Variants in SMAD7 observed in about 807,000 individuals in gnomAD.
The protein encoded by SMAD7 is SMAD family member 7.
A neutral mutation model predicts 38.7 loss-of-function variants in SMAD7; 8 were observed. The observed-to-expected ratio is 0.21, with a 90% CI of 0.12 to 0.37. The LOEUF is 0.37. Among genes scored for constraint, SMAD7 ranks in the 10% least tolerant of loss-of-function variants. The probability of loss-of-function intolerance (pLI) is 1.00; values close to 1 mark genes in which losing one functional copy is unlikely to be tolerated. For synonymous variants in SMAD7, 327 were observed against 265.1 expected (o/e 1.23, Z -2.27); for missense variants, 477 against 577.9 (o/e 0.83, Z 1.79).
chr18:48,929,550 T>TTC lies in SMAD7; in HGVS notation c.743-7642_743-7641dup, dbSNP rs377221337. Reference sequence around the variant, plus strand: ...TCTCTCTCTCAATCTCTTTCTCTCTTTCTCTCTCTCTCTCTCTCTCACTCA... The same window carrying TTC: ...TCTCTCTCTCAATCTCTTTCTCTCTTTCTCTCTCTCTCTCTCTCTCTCACTCA... On this transcript the variant is annotated intron_variant, in intron 3 of 3. Transcript: ENST00000262158. 1.8e-3 allele frequency among the ~76,000 whole-genome samples: 140 copies of TTC among 77,510 alleles called. 1 individual carries two copies. Among genetic ancestry groups the TTC allele is most frequent in the African/African-American group, 5.3e-3 (124 of 23,412 alleles). The allele number at this position is 77,510 out of a possible 152,430, so 50.8% of individuals were successfully genotyped here. A position where few individuals can be genotyped will look rare whatever the true frequency, so the allele number is the denominator to read the frequency against.
intron 3 of SMAD7, among the ~76,000 whole-genome samples, chr18:48,934,946 C>G (rs768561399): frequency 3.9e-5 from 6 of 152,186 alleles, no homozygotes; most frequent in Non-Finnish European, 8.8e-5. Flanking sequence ...TTTTAAATAA[C>G]TGTCCTCAAC....
At chr18:48,929,207 A>AC (rs1259740367) in intron 3 of SMAD7, among the ~76,000 whole-genome samples, 1 of 151,968 alleles carries the variant, frequency 6.6e-6, no homozygotes, top group Non-Finnish European at 1.5e-5. Flanking sequence ...TCCCACTGTT[A>AC]CCCCCCAAGT....
intron 2 of SMAD7, among the ~76,000 whole-genome samples, chr18:48,947,152 A>T (rs576697883): frequency 6.6e-6 from 1 of 152,312 alleles, no homozygotes; most frequent in African/African-American, 2.4e-5. Flanking sequence ...CCTTATTAAT[A>T]ACCATTTATC....
chr18:48,943,956 G>T (rs2070169739), intron 2 of SMAD7, among the ~76,000 whole-genome samples: 1 of 152,178 alleles, frequency 6.6e-6, no homozygotes, highest in Admixed American at 6.5e-5. Flanking sequence ...AGAAGTGGAG[G>T]CAGGCGTGGG....
intron 2 of SMAD7, among the ~76,000 whole-genome samples, chr18:48,947,904 C>CCA (rs57808547): frequency 7.4e-6 from 1 of 134,868 alleles, no homozygotes; most frequent in Non-Finnish European, 1.6e-5. Flanking sequence ...CCCCCCCCCC[C>CCA]TTTTACTGGC....
intron 3 of SMAD7, among the ~76,000 whole-genome samples, chr18:48,939,389 C>A (rs919010883): frequency 6.7e-6 from 1 of 148,434 alleles, no homozygotes. Flanking sequence ...CCCCACACCC[C>A]CCCAAAACAA....
intron 3 of SMAD7, among the ~76,000 whole-genome samples, chr18:48,923,148 G>C (rs2069883661): frequency 6.6e-6 from 1 of 152,188 alleles, no homozygotes; most frequent in Non-Finnish European, 1.5e-5. Flanking sequence ...ACAGCAGAGG[G>C]GGAAAAGCAG....
chr18:48,929,041 C>G (rs569913215), intron 3 of SMAD7, among the ~76,000 whole-genome samples: 12 of 152,170 alleles, frequency 7.9e-5, no homozygotes, highest in Non-Finnish European at 1.8e-4. Flanking sequence ...CTGAGAGAGG[C>G]CTCAGAGGAA....
intron 3 of SMAD7, among the ~76,000 whole-genome samples, chr18:48,932,857 G>C (rs1315581938): frequency 1.3e-5 from 2 of 152,174 alleles, no homozygotes; most frequent in Non-Finnish European, 2.9e-5. Flanking sequence ...GAGTTACAAA[G>C]GGAAAGTCAC....
rs540844884 is a variant in SMAD7 at position 48,942,340 on chromosome 18, G to A, written c.742+141C>T. On this transcript the variant is annotated intron_variant, in intron 3 of 3. Coordinates refer to ENST00000262158, the MANE Select transcript of SMAD7 (RefSeq NM_005904.4). ...TGAAGGGCACCACAATGTCACCACC[G>A]ATGCATCCAACTTAAGGCATATAAA... 6 of 648,692 alleles carry A rather than the reference G, an allele frequency of 9.2e-6. No homozygotes were observed. In the Admixed American group the frequency reaches 1.0e-4, roughly 11 times the overall value. The allele number at this position is 648,692 out of a possible 1,614,324, so 40.2% of individuals were successfully genotyped here. A position where few individuals can be genotyped will look rare whatever the true frequency, so the allele number is the denominator to read the frequency against.
chr18:48,945,589 G>A (rs2070186287), intron 2 of SMAD7, among the ~76,000 whole-genome samples: 1 of 152,190 alleles, frequency 6.6e-6, no homozygotes, highest in Non-Finnish European at 1.5e-5. Context: ...CTTTCATCAT[G>A]CTGATTTTAA....
intron 1 of SMAD7, chr18:48,949,256 T>G (rs948194784): frequency 2.0e-6 from 2 of 983,746 alleles, no homozygotes; most frequent in African/African-American, 1.7e-5. Flanking sequence ...CCAACTCTCT[T>G]TGCCCCAAAA....
intron 2 of SMAD7, among the ~76,000 whole-genome samples, chr18:48,947,579 C>A (rs1391138427): frequency 1.3e-5 from 2 of 152,212 alleles, no homozygotes; most frequent in Non-Finnish European, 2.9e-5. Flanking sequence ...CTATCTCCTA[C>A]TGTAAGAGGG....
intron 3 of SMAD7, among the ~76,000 whole-genome samples, chr18:48,938,689 C>A (rs2070099623): frequency 6.6e-6 from 1 of 152,266 alleles, no homozygotes; most frequent in Middle Eastern, 3.4e-3. Context: ...AAAATGAAAG[C>A]CCCCAGACAG....
At chr18:48,934,511 G>A (rs2070040943) in intron 3 of SMAD7, among the ~76,000 whole-genome samples, 1 of 151,962 alleles carries the variant, frequency 6.6e-6, no homozygotes, top group African/African-American at 2.4e-5. Flanking sequence ...GACACTGGGT[G>A]GGGCTCAGTG....
chr18:48,946,387 G>A (rs1488659196), intron 2 of SMAD7, among the ~76,000 whole-genome samples: 1 of 148,662 alleles, frequency 6.7e-6, no homozygotes, highest in East Asian at 2.0e-4. Flanking sequence ...AATGCCCCCG[G>A]CCACAGCAGC....
intron 3 of SMAD7, among the ~76,000 whole-genome samples, chr18:48,933,168 C>T (rs1188237918): frequency 6.6e-6 from 1 of 152,202 alleles, no homozygotes; most frequent in Non-Finnish European, 1.5e-5. Flanking sequence ...TATCTCAATT[C>T]TCAACAGACC....
chr18:48,931,682 A>G (rs534483108), intron 3 of SMAD7, among the ~76,000 whole-genome samples: 1 of 152,362 alleles, frequency 6.6e-6, no homozygotes, highest in East Asian at 1.9e-4. Context: ...CAGATCACCG[A>G]AGGGACTTGG....
intron 3 of SMAD7, among the ~76,000 whole-genome samples, chr18:48,936,717 G>A (rs926891071): frequency 3.9e-5 from 6 of 152,250 alleles, no homozygotes; most frequent in Non-Finnish European, 7.4e-5. Flanking sequence ...GGCCTGGACC[G>A]AAGGAAGTAA....
Sources: allele counts gnomAD v4.1 joint callset (sites outside exome capture counted in the v4.1 genomes callset), GRCh38; gene constraint gnomAD v4.1.1; transcripts MANE v1.5; gene names NCBI Gene and HGNC (gene_info 2026-07-23, HGNC 2026-07-21).